Variants in GSE1 observed in about 807,000 individuals in gnomAD.
The protein encoded by GSE1 is genetic suppressor element 1.
A neutral mutation model predicts 112.6 loss-of-function variants in GSE1; 32 were observed. The observed-to-expected ratio is 0.28, with a 90% CI of 0.21 to 0.38. The LOEUF (loss-of-function observed/expected upper bound fraction) is 0.38, where lower values mean the gene tolerates loss of function less well. GSE1 is among the 10% of genes least tolerant of loss of function. The pLI, the probability that GSE1 is intolerant of heterozygous loss-of-function variation, is 1.00. For synonymous variants in GSE1, 1,115 were observed against 735.6 expected (o/e 1.52, Z -8.35); for missense variants, 2,348 against 1,699.2 (o/e 1.38, Z -6.71).
At chr16:85,446,178 G>A (rs762377681) in intron 2 of GSE1, among the ~76,000 whole-genome samples, 3 of 152,148 alleles carry the variant, frequency 2.0e-5, no homozygotes, top group African/African-American at 4.8e-5. Context: ...TCAGCTCTGC[G>A]ACGTCGGGGC....
At chr16:85,239,942 T>C (rs1313135381) in intron 1 of GSE1, among the ~76,000 whole-genome samples, 1 of 152,206 alleles carries the variant, frequency 6.6e-6, no homozygotes, top group Admixed American at 6.5e-5. Flanking sequence ...GGTGCATCCT[T>C]CTGCATCAGA....
At chr16:85,377,890 C>T (rs2047455365) in intron 2 of GSE1, among the ~76,000 whole-genome samples, 1 of 152,264 alleles carries the variant, frequency 6.6e-6, no homozygotes, top group Admixed American at 6.5e-5. Flanking sequence ...CATCCACCTC[C>T]TGGTACAGGG....
intron 2 of GSE1, among the ~76,000 whole-genome samples, chr16:85,438,643 C>G (rs1291320289): frequency 6.6e-6 from 1 of 152,202 alleles, no homozygotes; most frequent in African/African-American, 2.4e-5. Context: ...CAGTTGCTTC[C>G]AGAGCCTGCG....
At chr16:85,508,570 C>G (rs1011023433) in intron 2 of GSE1, among the ~76,000 whole-genome samples, 1 of 152,192 alleles carries the variant, frequency 6.6e-6, no homozygotes, top group South Asian at 2.1e-4. Context: ...CCGTCCACCC[C>G]CTCAGCTGTG....
At chr16:85,203,939 T>C (rs2075072741) in intron 1 of GSE1, among the ~76,000 whole-genome samples, 1 of 152,020 alleles carries the variant, frequency 6.6e-6, no homozygotes, top group South Asian at 2.1e-4. Context: ...GGGTCTCACT[T>C]TTTGTATTTT....
rs1366152526 is a variant in GSE1, at chr16:85,311,166, C to T, written c.2284-46297C>T. On this transcript the variant is annotated intron_variant, in intron 1 of 2. Coordinates refer to the GSE1 transcript ENST00000637419. The surrounding 1 kb of genome is among the most constrained non-coding windows in gnomAD (Gnocchi z 4.2). Reference sequence around the variant, plus strand: ...GGGCTGGTCCCAAATTCCAGAGGCCCATCGGATGCCCCTGGTTCCCAGGGT... The same window carrying T: ...GGGCTGGTCCCAAATTCCAGAGGCCTATCGGATGCCCCTGGTTCCCAGGGT... Among the ~76,000 whole-genome samples, 3 of 152,172 alleles carry T rather than the reference C, an allele frequency of 2.0e-5. No homozygotes were observed. The highest frequency in any genetic ancestry group is 4.8e-5 in the African/African-American group (2 of 41,452).
intron 2 of GSE1, among the ~76,000 whole-genome samples, chr16:85,370,174 A>G (rs554311481): frequency 6.6e-6 from 1 of 152,266 alleles, no homozygotes. Flanking sequence ...ATGCACAGCC[A>G]AAGCCAAGCC....
rs142326177 is a variant in GSE1, at chr16:85,668,533, C to T, written c.3415+109C>T. ...TCTGCCAGCCTGGGGACTGTTTCTC[C>T]GTCCTGGGGCACAGTAGATATGAAT... On this transcript the variant is annotated intron_variant, in intron 14 of 15. Transcript: ENST00000253458. The T allele has an allele frequency of 6.4e-4, 463 of 719,514 alleles. 3 individuals carry two copies. Among genetic ancestry groups the T allele is most frequent in the African/African-American group, 5.7e-3 (325 of 56,882 alleles). 44.6% of individuals were successfully genotyped at this position (719,514 alleles called of 1,614,324 possible). A position where few individuals can be genotyped will look rare whatever the true frequency, so the allele number is the denominator to read the frequency against.
At chr16:85,380,669 T>G (rs2047526670) in intron 2 of GSE1, among the ~76,000 whole-genome samples, 1 of 152,118 alleles carries the variant, frequency 6.6e-6, no homozygotes, top group Non-Finnish European at 1.5e-5. Context: ...ATCAACAAGG[T>G]TAACAAATTG....
chr16:85,309,011 GC>G (rs1201868086), intron 1 of GSE1, among the ~76,000 whole-genome samples: 1 of 151,186 alleles, frequency 6.6e-6, no homozygotes, highest in East Asian at 1.9e-4. Flanking sequence ...TCCAAAATTG[GC>G]CTGGGAATTG....
chr16:85,301,679 G>C (rs2045531074), intron 1 of GSE1, among the ~76,000 whole-genome samples: 1 of 152,106 alleles, frequency 6.6e-6, no homozygotes, highest in Admixed American at 6.5e-5. Context: ...TGTTTCCTTT[G>C]CCTCTGTGCC....
chr16:85,668,433 G>C lies in GSE1; in HGVS notation c.3415+9G>C. ...CCAGGAACACATAGAAGGTAAGGGG[G>C]TGCTGGGGAAGAGGGGGGAGGGGGT... is the stretch of plus-strand genomic sequence containing the variant. On this transcript the variant is annotated intron_variant, in intron 14 of 15. Transcript: ENST00000253458. 6.4e-7 allele frequency: 1 copy of C among 1,574,342 alleles called. No homozygotes were observed. Among genetic ancestry groups the C allele is most frequent in the South Asian group, 1.1e-5 (1 of 88,604 alleles).
intron 2 of GSE1, among the ~76,000 whole-genome samples, chr16:85,461,237 A>C (rs1397108088): frequency 6.6e-6 from 1 of 152,174 alleles, no homozygotes; most frequent in East Asian, 1.9e-4. Context: ...TGTCTGCTGG[A>C]GGGTGTTGAG....
At chr16:85,472,044 C>T (rs1349842393) in intron 2 of GSE1, among the ~76,000 whole-genome samples, 1 of 152,194 alleles carries the variant, frequency 6.6e-6, no homozygotes, top group Admixed American at 6.5e-5. Flanking sequence ...TGGCCTTGTC[C>T]TCTGCTCACG....
At chr16:85,444,906 G>A (rs115349350) in intron 2 of GSE1, among the ~76,000 whole-genome samples, 2,170 of 152,226 alleles carry the variant, frequency 0.014, 53 homozygotes, top group African/African-American at 0.05. Flanking sequence ...GCCCCTTCCC[G>A]CGGCGCTGGC....
intron 2 of GSE1, among the ~76,000 whole-genome samples, chr16:85,371,459 A>G (rs1228390804): frequency 6.6e-6 from 1 of 152,182 alleles, no homozygotes; most frequent in Non-Finnish European, 1.5e-5. Context: ...GATGTGGAGC[A>G]TGAGTGCTGG....
At chr16:85,641,458 C>G (rs528447438) in intron 2 of GSE1, among the ~76,000 whole-genome samples, 1 of 146,064 alleles carries the variant, frequency 6.8e-6, no homozygotes, top group Admixed American at 7.1e-5. Context: ...TGAGGTGGAG[C>G]CTCGTTGGTG....
intron 1 of GSE1, among the ~76,000 whole-genome samples, chr16:85,296,685 C>T (rs1170219006): frequency 2.0e-5 from 3 of 152,138 alleles, no homozygotes; most frequent in African/African-American, 7.2e-5. Context: ...CAACTTCTTC[C>T]TCTGTGCAAA....
chr16:85,638,165 C>T (rs1407741748), intron 2 of GSE1, among the ~76,000 whole-genome samples: 4 of 152,222 alleles, frequency 2.6e-5, no homozygotes, highest in Non-Finnish European at 5.9e-5. Flanking sequence ...CGATTGCCTC[C>T]GCGTCTCTCC....
Sources: gnomAD v4.1 joint callset for allele counts (sites outside exome capture counted in the v4.1 genomes callset) on GRCh38, gnomAD v4.1.1 for gene constraint, Gnocchi (gnomAD v3.1) non-coding constraint, MANE v1.5 for transcripts, NCBI Gene and HGNC (gene_info 2026-07-23, HGNC 2026-07-21) for gene names.